CLSTN2: variants seen among roughly 807,000 people sequenced by gnomAD.
CLSTN2 encodes the protein calsyntenin-2.
Under a neutral mutation model 101.2 loss-of-function variants are expected in CLSTN2, and 48 were observed. The observed-to-expected ratio is 0.47, with a 90% confidence interval of 0.38 to 0.60. The LOEUF (loss-of-function observed/expected upper bound fraction) is 0.60. CLSTN2 is among the 20% of genes least tolerant of loss of function. The pLI is 0.00. For missense variants in CLSTN2, 1,160 were observed against 1,238.2 expected (o/e 0.94, Z 0.95); for synonymous variants, 481 against 463.6 (o/e 1.04, Z -0.48).
At chr3:140,163,194 C>A (rs1488585838) in intron 1 of CLSTN2, among the ~76,000 whole-genome samples, 1 of 152,140 alleles carries the variant, frequency 6.6e-6, no homozygotes, top group Non-Finnish European at 1.5e-5. Context: ...AATCAGTTGA[C>A]TTTAAGTAAA....
chr3:140,090,641 C>T (rs940690202), intron 1 of CLSTN2, among the ~76,000 whole-genome samples: 3 of 152,052 alleles, frequency 2.0e-5, no homozygotes, highest in Non-Finnish European at 4.4e-5. Context: ...AACACTAACA[C>T]AGAAAATAGG....
chr3:140,276,907 T>C (rs2086799462), intron 2 of CLSTN2, among the ~76,000 whole-genome samples: 1 of 152,116 alleles, frequency 6.6e-6, no homozygotes, highest in Non-Finnish European at 1.5e-5. Context: ...AGAAAGCCTG[T>C]AGGCAGAGAA....
Position 139,987,924 on chromosome 3 carries a change from G to C in CLSTN2, c.109+52441G>C, listed in dbSNP as rs142242728. Among the ~76,000 whole-genome samples the C allele has an allele frequency of 3.9e-5, 6 of 152,268 alleles. No individual in the cohort carries two copies. The East Asian group carries it at 1.2e-3, about 29-fold the overall frequency. On this transcript the variant is annotated intron_variant, in intron 1 of 16. Transcript: ENST00000458420. ...CACAGTTACGCCAAACCACAGTGACGAGACAAGACAAGTAAAGTGGTTTTC... is the reference window on the plus strand; with the variant it reads ...CACAGTTACGCCAAACCACAGTGACCAGACAAGACAAGTAAAGTGGTTTTC...
At chr3:140,110,604 G>A (rs890515270) in intron 1 of CLSTN2, among the ~76,000 whole-genome samples, 1 of 152,228 alleles carries the variant, frequency 6.6e-6, no homozygotes, top group Non-Finnish European at 1.5e-5. Context: ...TTCCCTTGGA[G>A]GATAGATATA....
At chr3:140,351,162 C>T (rs898233119) in intron 2 of CLSTN2, among the ~76,000 whole-genome samples, 1 of 151,944 alleles carries the variant, frequency 6.6e-6, no homozygotes, top group African/African-American at 2.4e-5. Flanking sequence ...GATGCAAGAG[C>T]TTGTCAAAAT....
chr3:140,274,036 T>A (rs1300577420), intron 2 of CLSTN2, among the ~76,000 whole-genome samples: 1 of 152,120 alleles, frequency 6.6e-6, no homozygotes, highest in Non-Finnish European at 1.5e-5. Flanking sequence ...TCCTCCCGGC[T>A]CCAGGGAAAG....
At chr3:140,530,296 C>G (rs1401103575) in intron 8 of CLSTN2, among the ~76,000 whole-genome samples, 2 of 152,158 alleles carry the variant, frequency 1.3e-5, no homozygotes, top group Non-Finnish European at 2.9e-5. Context: ...GCAGTGTGAT[C>G]CAAATAGACC....
chr3:140,404,386 T>C (rs2088279894), intron 3 of CLSTN2, among the ~76,000 whole-genome samples, 172 bp from the exon 4 acceptor site: 1 of 152,120 alleles, frequency 6.6e-6, no homozygotes, highest in Non-Finnish European at 1.5e-5. Context: ...CAAGGGCAAG[T>C]AGAGAGTCTC....
intron 2 of CLSTN2, among the ~76,000 whole-genome samples, chr3:140,225,808 TTTCATGCCC>T (rs1387133684): frequency 5.3e-5 from 8 of 152,228 alleles, no homozygotes; most frequent in Admixed American, 1.3e-4. Flanking sequence ...ACACTGACAT[TTTCATGCCC>T]TTCTCAAACT....
At chr3:140,509,760 C>T (rs1284672903) in intron 8 of CLSTN2, among the ~76,000 whole-genome samples, 1 of 152,192 alleles carries the variant, frequency 6.6e-6, no homozygotes, top group East Asian at 1.9e-4. Context: ...CCTGCCCTAA[C>T]CTCTGGTTCT....
chr3:139,974,771 G>A (rs1234214161), intron 1 of CLSTN2, among the ~76,000 whole-genome samples: 1 of 152,166 alleles, frequency 6.6e-6, no homozygotes, highest in East Asian at 1.9e-4. Flanking sequence ...TCCATTGCTG[G>A]TTCCCTACTA....
chr3:140,273,604 T>A (rs2086764619), intron 2 of CLSTN2, among the ~76,000 whole-genome samples: 2 of 152,156 alleles, frequency 1.3e-5, no homozygotes, highest in Admixed American at 1.3e-4. Flanking sequence ...TGAACCACCG[T>A]GTCAGAGCCC....
intron 1 of CLSTN2, among the ~76,000 whole-genome samples, chr3:140,124,116 G>A (rs1385604977): frequency 6.6e-6 from 1 of 152,076 alleles, no homozygotes; most frequent in Non-Finnish European, 1.5e-5. Flanking sequence ...ATGAACTGCT[G>A]GAGAAAGGCA....
intron 2 of CLSTN2, among the ~76,000 whole-genome samples, chr3:140,400,193 T>A (rs546975054): frequency 6.6e-6 from 1 of 152,298 alleles, no homozygotes; most frequent in Non-Finnish European, 1.5e-5. Flanking sequence ...TCCTACTTAG[T>A]CAGTTGAAGA....
intron 1 of CLSTN2, among the ~76,000 whole-genome samples, chr3:140,009,688 A>G (rs1164023629): frequency 1.3e-5 from 2 of 152,204 alleles, no homozygotes; most frequent in Non-Finnish European, 2.9e-5. Flanking sequence ...GTTGTTATAA[A>G]TTTTTGTTGT....
intron 1 of CLSTN2, among the ~76,000 whole-genome samples, chr3:140,091,652 A>C (rs1399306565): frequency 3.3e-5 from 5 of 152,212 alleles, no homozygotes; most frequent in African/African-American, 1.2e-4. Context: ...GAAATGCAGA[A>C]GGCGTGGGCC....
intron 8 of CLSTN2, among the ~76,000 whole-genome samples, chr3:140,479,610 A>G (rs913113254): frequency 2.0e-5 from 3 of 152,250 alleles, no homozygotes; most frequent in Non-Finnish European, 1.5e-5. Flanking sequence ...GATTGTCATA[A>G]TGAATGAACT....
intron 1 of CLSTN2, among the ~76,000 whole-genome samples, chr3:140,092,126 C>A (rs2107786032): frequency 6.6e-6 from 1 of 152,326 alleles, no homozygotes; most frequent in Non-Finnish European, 1.5e-5. Context: ...CTTGATGAGA[C>A]TATGAGGCTC....
At chr3:140,294,494 C>G (rs2086983862) in intron 2 of CLSTN2, among the ~76,000 whole-genome samples, 1 of 151,826 alleles carries the variant, frequency 6.6e-6, no homozygotes, top group East Asian at 1.9e-4. Flanking sequence ...TGTTCCCCAG[C>G]TCCTAAAGGC....
Sources: gnomAD v4.1 joint callset for allele counts (sites outside exome capture counted in the v4.1 genomes callset) on GRCh38, gnomAD v4.1.1 for gene constraint, MANE v1.5 for transcripts, NCBI Gene and HGNC (gene_info 2026-07-23, HGNC 2026-07-21) for gene names.